TKTL1: variants seen among roughly 807,000 people sequenced by gnomAD.
TKTL1 encodes transketolase like 1, also known as transketolase-like protein 1.
Under a neutral mutation model 39.3 loss-of-function variants are expected in TKTL1, and 1 was observed. The observed-to-expected ratio is 0.03, with a 90% CI of 0.01 to 0.12. TKTL1 has a LOEUF of 0.12. TKTL1 is among the 10% of genes least tolerant of loss of function. The pLI, the probability that TKTL1 is intolerant of heterozygous loss-of-function variation, is 1.00. For synonymous variants in TKTL1, 262 were observed against 193.8 expected (o/e 1.35, Z -2.92); for missense variants, 575 against 509.6 (o/e 1.13, Z -1.24).
chrX:154,296,816 C>G (rs1250758481), intron 1 of TKTL1, among the ~76,000 whole-genome samples: 1 of 110,492 alleles, frequency 9.1e-6, no homozygotes, highest in East Asian at 2.8e-4. Context: ...GAAACTAGTT[C>G]GAGATCAGCC....
chrX:154,327,694 T>C lies in TKTL1; in HGVS notation c.1498+7T>C. On this transcript the variant is annotated splice_region_variant and intron_variant, in intron 11 of 12. Transcript: ENST00000369915. The stretch of plus-strand genomic sequence containing the variant: ...GATGAGCTTTCGAAACAAGGTCAGT[T>C]GGTTGAGTATGAGCATTGAAGTTCA... The C allele has an allele frequency of 2.5e-6, 3 of 1,206,603 alleles. No homozygotes were observed. The highest frequency in any genetic ancestry group is 3.4e-6 in the Non-Finnish European group (3 of 891,002).
intron 1 of TKTL1, 138 bp from the exon 2 acceptor site, chrX:154,305,166 C>A: frequency 8.5e-7 from 1 of 1,177,487 alleles, no homozygotes; most frequent in Non-Finnish European, 1.1e-6. Flanking sequence ...AACCTGTGAG[C>A]CCTGCATTCC....
At chrX:154,325,684 C>T (rs1400075437) in intron 10 of TKTL1, among the ~76,000 whole-genome samples, 2 of 112,337 alleles carry the variant, frequency 1.8e-5, no homozygotes, top group Non-Finnish European at 3.8e-5. Context: ...GCCACTTGAG[C>T]GGTCGTGGCT....
At position 154,309,456 on chromosome X, in the gene TKTL1, C is replaced by T. The variant is rs1343378147; in HGVS notation, c.350+14C>T. ...CGACAGGGCCAGGTGAGGTTCTTCCCCAGAAGCCATTTAACTGCCCTACAT... is the reference window on the plus strand; with the variant it reads ...CGACAGGGCCAGGTGAGGTTCTTCCTCAGAAGCCATTTAACTGCCCTACAT... On this transcript the variant is annotated intron_variant, in intron 3 of 12. Coordinates refer to ENST00000369915, the MANE Select transcript of TKTL1 (RefSeq NM_012253.4). 4 of 1,182,389 alleles carry T rather than the reference C, an allele frequency of 3.4e-6. No homozygotes were observed. Among genetic ancestry groups the T allele is most frequent in the East Asian group, 6.0e-5 (2 of 33,574 alleles).
chrX:154,304,758 C>T (rs2067301712), intron 1 of TKTL1, among the ~76,000 whole-genome samples: 1 of 109,919 alleles, frequency 9.1e-6, no homozygotes, highest in South Asian at 3.9e-4. Context: ...GTTTTGTCCC[C>T]TGCTGTCTTG....
intron 5 of TKTL1, 133 bp downstream of exon 5, chrX:154,311,371 T>C (rs2067356410): frequency 2.2e-6 from 2 of 906,851 alleles, no homozygotes; most frequent in Admixed American, 2.9e-5. Flanking sequence ...GGAGTATATG[T>C]TGGAGGCTCC....
chrX:154,309,589 C>T (rs2067340250), intron 3 of TKTL1, 147 bp downstream of exon 3: 1 of 499,448 alleles, frequency 2.0e-6, no homozygotes. Context: ...TCTGGAAGGC[C>T]TTCCCTGTGC....
Position 154,295,928 on chromosome X carries a change from G to A in TKTL1, c.69G>A (p.Val23=), listed in dbSNP as rs782739547. 2 of 1,210,148 alleles carry A rather than the reference G, an allele frequency of 1.7e-6. No homozygotes were observed. The highest frequency in any genetic ancestry group is 3.0e-5 in the East Asian group (1 of 33,757). Residue 23 remains valine, a synonymous_variant, in exon 1 of 13, where the codon GTG becomes GTA. Coordinates refer to ENST00000369915, the MANE Select transcript of TKTL1 (RefSeq NM_012253.4). ...GACCTGACAGGGGCACCTTGCAGGT[G>A]TTGCAAGATATGGCCAGCCGCTTGC... ...EARPDRGTLQ[V]LQDMASRLRI...
At chrX:154,305,053 AAGGAAACTTGCCCCGAGTCC>A in intron 1 of TKTL1, 1 of 1,117,063 alleles carries the variant, frequency 9.0e-7, no homozygotes, top group Non-Finnish European at 1.2e-6. Flanking sequence ...CAGAGGCACA[AAGGAAACTTGCCCCGAGTCC>A]ACGGTGCTCT....
chrX:154,326,722 C>T (rs1419877749), intron 10 of TKTL1, among the ~76,000 whole-genome samples: 2 of 112,819 alleles, frequency 1.8e-5, no homozygotes, highest in Non-Finnish European at 3.7e-5. Context: ...TTGCTTATTT[C>T]TGTCGTCTCT....
intron 10 of TKTL1, 180 bp from the exon 11 acceptor site, chrX:154,327,411 A>G (rs782748819): frequency 7.0e-6 from 4 of 567,823 alleles, no homozygotes; most frequent in Non-Finnish European, 1.3e-5. Context: ...GGAGCAGTGT[A>G]ATTTCCTATC....
At position 154,321,660 on chromosome X, in the gene TKTL1, G is replaced by T. The variant is rs188417349; in HGVS notation, c.1186+747G>T. Among the ~76,000 whole-genome samples the T allele has an allele frequency of 8.5e-4, 92 of 108,051 alleles. 1 individual carries two copies. Among genetic ancestry groups the T allele is most frequent in the African/African-American group, 2.6e-3 (77 of 29,622 alleles). 93.8% of individuals were successfully genotyped at this position (108,051 alleles called of 115,157 possible). ...AGTCATTTTCGTGAATGACAGAAATGACATGGGAAAGATGAGCCAGCTGGC... is the reference window on the plus strand; with the variant it reads ...AGTCATTTTCGTGAATGACAGAAATTACATGGGAAAGATGAGCCAGCTGGC... On this transcript the variant is annotated intron_variant, in intron 8 of 12. Transcript: ENST00000369915.
intron 5 of TKTL1, among the ~76,000 whole-genome samples, chrX:154,312,244 T>C (rs1323076721): frequency 8.9e-6 from 1 of 112,415 alleles, no homozygotes; most frequent in Non-Finnish European, 1.9e-5. Context: ...CTAGGTGCAA[T>C]GGCTTGCACC....
chrX:154,303,817 C>T (rs185782773), intron 1 of TKTL1, among the ~76,000 whole-genome samples: 3 of 109,658 alleles, frequency 2.7e-5, no homozygotes, highest in Non-Finnish European at 5.7e-5. Context: ...CGAGTCCTAG[C>T]TGGCTTCCAC....
intron 10 of TKTL1, 75 bp from the exon 11 acceptor site, chrX:154,327,516 G>A (rs1480933633): frequency 5.5e-6 from 5 of 905,828 alleles, no homozygotes; most frequent in African/African-American, 2.0e-5. Context: ...TAGCGGCATA[G>A]CAAAGTGCCT....
intron 1 of TKTL1, among the ~76,000 whole-genome samples, chrX:154,301,208 T>C (rs1557165861): frequency 9.0e-6 from 1 of 110,905 alleles, no homozygotes; most frequent in African/African-American, 3.3e-5. Context: ...AAATACTTAG[T>C]GCAATATGTT....
rs782589916 is a variant in TKTL1, at chrX:154,301,407, C to T, written c.135-3897C>T. 4.2e-4 allele frequency among the ~76,000 whole-genome samples: 46 copies of T among 110,642 alleles called. No homozygotes were observed. The East Asian group carries it at 5.4e-3, about 13-fold the overall frequency. ...TGGTGCACCTCTGTAATCCCAGATA[C>T]TTGGGAGGCCGAGGCAGGAAAATCA... On this transcript the variant is annotated intron_variant, in intron 1 of 12. Transcript: ENST00000369915.
At chrX:154,305,517 G>C in intron 2 of TKTL1, 96 bp downstream of exon 2, 1 of 1,035,494 alleles carries the variant, frequency 9.7e-7, no homozygotes, top group South Asian at 2.3e-5. Context: ...AATGGGCCTC[G>C]TTTATTATTT....
In TKTL1 at chrX:154,296,039, C is replaced by G. The variant is rs186468005; in HGVS notation, c.134+46C>G. On this transcript the variant is annotated intron_variant, in intron 1 of 12. Coordinates refer to ENST00000369915, the MANE Select transcript of TKTL1 (RefSeq NM_012253.4). ...TCTGGGTCATGCAGGGCCACGGGCC[C>G]GGTGGCTTCAGGCCTGGTGGCCATG... is the stretch of plus-strand genomic sequence containing the variant. 3.3e-5 allele frequency: 40 copies of G among 1,194,374 alleles called. 1 individual carries two copies. Among genetic ancestry groups the G allele is most frequent in the South Asian group, 1.8e-4 (10 of 54,494 alleles).
Sources: gnomAD v4.1 joint callset for allele counts (sites outside exome capture counted in the v4.1 genomes callset) on GRCh38, gnomAD v4.1.1 for gene constraint, MANE v1.5 for transcripts, NCBI Gene and HGNC (gene_info 2026-07-23, HGNC 2026-07-21) for gene names.